SMIM35: variants seen among roughly 807,000 people sequenced by gnomAD.
SMIM35 encodes the protein small integral membrane protein 35, also known as TMPRSS4 antisense RNA 1 (non-protein coding).
intron 1 of SMIM35, among the ~76,000 whole-genome samples, chr11:118,072,526 A>G (rs998319328): frequency 2.0e-5 from 3 of 152,178 alleles, no homozygotes; most frequent in Non-Finnish European, 2.9e-5. Flanking sequence ...TCATCCTACA[A>G]ATTACTGTAG....
chr11:118,041,817 G>A (rs1342811229), intron 1 of SMIM35, among the ~76,000 whole-genome samples: 4 of 152,068 alleles, frequency 2.6e-5, no homozygotes, highest in African/African-American at 7.2e-5. Context: ...TTGGGAGGCC[G>A]AAGTCGGTGG....
intron 1 of SMIM35, among the ~76,000 whole-genome samples, chr11:118,018,674 A>G (rs1422988849): frequency 6.6e-6 from 1 of 152,220 alleles, no homozygotes; most frequent in Non-Finnish European, 1.5e-5. Flanking sequence ...AAGCACCAGC[A>G]GGGAAATCAC....
intron 1 of SMIM35, among the ~76,000 whole-genome samples, chr11:118,027,714 G>A (rs1224155285): frequency 6.6e-6 from 1 of 152,168 alleles, no homozygotes; most frequent in Non-Finnish European, 1.5e-5. Flanking sequence ...ATCAGCCTAC[G>A]TAAGTACTCA....
intron 1 of SMIM35, chr11:118,025,764 T>C: frequency 2.2e-6 from 1 of 451,564 alleles, no homozygotes; most frequent in Non-Finnish European, 4.4e-6. Flanking sequence ...CTGTTGATAG[T>C]TTCTTTTGCT....
At chr11:118,021,988 C>G (rs575366517) in intron 1 of SMIM35, among the ~76,000 whole-genome samples, 1 of 151,260 alleles carries the variant, frequency 6.6e-6, no homozygotes, top group Admixed American at 6.6e-5. Context: ...ATATATGGAG[C>G]ATTCATCAAG....
chr11:118,062,500 C>T (rs1394760994), intron 1 of SMIM35, among the ~76,000 whole-genome samples: 1 of 152,208 alleles, frequency 6.6e-6, no homozygotes. Flanking sequence ...GCCTCTGATG[C>T]TTCTCAAAGA....
intron 1 of SMIM35, among the ~76,000 whole-genome samples, chr11:118,070,168 GA>G (rs1227816789): frequency 2.6e-5 from 4 of 152,058 alleles, no homozygotes; most frequent in Non-Finnish European, 5.9e-5. Context: ...TTTCTAGCCA[GA>G]TTCTTTTTTT....
intron 1 of SMIM35, among the ~76,000 whole-genome samples, chr11:118,086,447 C>A (rs1945562042): frequency 6.6e-6 from 1 of 152,218 alleles, no homozygotes; most frequent in Non-Finnish European, 1.5e-5. Context: ...TGAGGTTAGA[C>A]CCAAAGGAAA....
chr11:118,078,250 A>C (rs1196154974), intron 1 of SMIM35, among the ~76,000 whole-genome samples: 1 of 151,962 alleles, frequency 6.6e-6, no homozygotes, highest in Non-Finnish European at 1.5e-5. Context: ...AGAGATAATA[A>C]CTGGGTCTGA....
rs958308264 is a variant in SMIM35 at position 118,006,253 on chromosome 11, C to G, written c.*157G>C. On this transcript the variant is annotated 3_prime_UTR_variant, in exon 5 of 5. Coordinates refer to ENST00000689828, the MANE Select transcript of SMIM35 (RefSeq NM_001394165.1). ...GGACTGCCGCAGCAAGCTTGTTGGT[C>G]TGGAAATGCTCCAAAGGCAAAGAGG... 1 of 152,226 alleles carries G rather than the reference C, an allele frequency of 6.6e-6. No homozygotes were observed. Among genetic ancestry groups the G allele is most frequent in the African/African-American group, 2.4e-5 (1 of 41,444 alleles). The allele number at this position is 152,226 out of a possible 1,614,324, so 9.4% of individuals were successfully genotyped here.
intron 1 of SMIM35, among the ~76,000 whole-genome samples, chr11:118,075,706 C>G (rs1202004310): frequency 6.6e-6 from 1 of 152,214 alleles, no homozygotes; most frequent in Non-Finnish European, 1.5e-5. Flanking sequence ...CACGTCTAAC[C>G]CAGGCTGGTC....
At chr11:118,030,377 G>A (rs890673744) in intron 1 of SMIM35, among the ~76,000 whole-genome samples, 7 of 152,098 alleles carry the variant, frequency 4.6e-5, no homozygotes, top group African/African-American at 9.7e-5. Flanking sequence ...TCACAGAAAC[G>A]TAATGCTGGG....
At chr11:118,049,272 G>A (rs1216265374) in intron 1 of SMIM35, among the ~76,000 whole-genome samples, 1 of 151,776 alleles carries the variant, frequency 6.6e-6, no homozygotes, top group African/African-American at 2.4e-5. Context: ...ACTGGCTGGG[G>A]ACCCCAGAAC....
At chr11:118,007,618 A>T (rs146835941) in intron 4 of SMIM35, among the ~76,000 whole-genome samples, 4,669 of 151,542 alleles carry the variant, frequency 0.031, 234 homozygotes, top group African/African-American at 0.11. Flanking sequence ...ATGGTCTCAA[A>T]CTCTTGACCT....
chr11:118,023,460 C>A (rs1290821662), intron 1 of SMIM35, among the ~76,000 whole-genome samples: 1 of 151,206 alleles, frequency 6.6e-6, no homozygotes, highest in Non-Finnish European at 1.5e-5. Context: ...CCCATTAACT[C>A]GTCAGTTAGC....
At chr11:118,071,383 G>A (rs150848438) in intron 1 of SMIM35, among the ~76,000 whole-genome samples, 3 of 152,230 alleles carry the variant, frequency 2.0e-5, no homozygotes, top group African/African-American at 7.2e-5. Flanking sequence ...CTTAGGAGAA[G>A]GACTGCTAAG....
At position 118,057,015 on chromosome 11, in the gene SMIM35, C is replaced by A. The variant is rs374165157; in HGVS notation, c.7+29736G>T. On this transcript the variant is annotated intron_variant, in intron 1 of 4. Coordinates refer to ENST00000689828, the MANE Select transcript of SMIM35 (RefSeq NM_001394165.1). ...AGGTGACAAAGGTTGGCCGCTCACT[C>A]CCCAAGCTGAGTGGTGAGGGGAAGG... Among the ~76,000 whole-genome samples, 126 of 152,292 alleles carry A rather than the reference C, an allele frequency of 8.3e-4. 2 individuals carry two copies. The South Asian group carries it at 0.026, about 31-fold the overall frequency.
intron 1 of SMIM35, among the ~76,000 whole-genome samples, chr11:118,080,465 G>A (rs1465971941): frequency 2.0e-5 from 3 of 152,148 alleles, no homozygotes; most frequent in Admixed American, 6.5e-5. Flanking sequence ...CTCCCAGGGC[G>A]CTTCCAGCCT....
chr11:118,082,680 A>G (rs907605325), intron 1 of SMIM35, among the ~76,000 whole-genome samples: 1 of 152,220 alleles, frequency 6.6e-6, no homozygotes, highest in Admixed American at 6.5e-5. Flanking sequence ...TTTCAAGAAG[A>G]CTAAACTAAA....
Sources: allele counts gnomAD v4.1 joint callset (sites outside exome capture counted in the v4.1 genomes callset), GRCh38; gene constraint gnomAD v4.1.1; transcripts MANE v1.5; gene names NCBI Gene and HGNC (gene_info 2026-07-23, HGNC 2026-07-21).